Variants in WDR70 observed in about 807,000 individuals in gnomAD.
WDR70 encodes WD repeat domain 70, also known as WD repeat-containing protein 70.
WDR70 carries 53 observed loss-of-function variants against 88.6 expected under a neutral mutation model. That is an observed-to-expected ratio of 0.60 (90% confidence interval 0.48 to 0.75). The LOEUF (loss-of-function observed/expected upper bound fraction) is 0.75. Ranked by LOEUF, WDR70 falls within the 30% of genes least tolerant of loss-of-function variation. The probability of loss-of-function intolerance (pLI) is 0.00; values close to 1 mark genes in which losing one functional copy is unlikely to be tolerated. For synonymous variants in WDR70, 280 were observed against 270.0 expected (o/e 1.04, Z -0.36); for missense variants, 610 against 823.2 (o/e 0.74, Z 3.17).
rs777764188 is a variant in WDR70 at position 37,702,994 on chromosome 5, T to C, written c.1323T>C (p.Gly441=). 6 of 1,613,762 alleles carry C rather than the reference T, an allele frequency of 3.7e-6. No individual in the cohort carries two copies. Among genetic ancestry groups the C allele is most frequent in the Non-Finnish European group, 4.2e-6 (5 of 1,179,776 alleles). Residue 441 remains glycine, a synonymous_variant, in exon 13 of 18, where the codon GGT becomes GGC. Coordinates refer to ENST00000265107, the MANE Select transcript of WDR70 (RefSeq NM_018034.4). ...FSPDDKLIVT[G]TSIQRGCGSG... The stretch of plus-strand genomic sequence containing the variant: ...CAGATGATAAGCTCATAGTCACTGG[T>C]ACATCTATTCAAAGAGGATGTGGCA...
At chr5:37,582,771 G>A (rs140860648) in intron 9 of WDR70, among the ~76,000 whole-genome samples, 1 of 152,328 alleles carries the variant, frequency 6.6e-6, no homozygotes, top group Non-Finnish European at 1.5e-5. Context: ...TGTAAGCAAC[G>A]AGCATCTCTG....
chr5:37,663,243 G>A (rs1163949872), intron 10 of WDR70, among the ~76,000 whole-genome samples: 1 of 152,096 alleles, frequency 6.6e-6, no homozygotes, highest in Admixed American at 6.6e-5. Flanking sequence ...TACTGACTGC[G>A]GTTTTGACTT....
At chr5:37,634,928 A>T (rs1205606401) in intron 10 of WDR70, among the ~76,000 whole-genome samples, 2 of 152,192 alleles carry the variant, frequency 1.3e-5, no homozygotes, top group African/African-American at 4.8e-5. Flanking sequence ...TTAAAAGTCA[A>T]TGAGTTAATT....
chr5:37,464,299 T>C (rs1441112928), intron 7 of WDR70, among the ~76,000 whole-genome samples: 1 of 152,200 alleles, frequency 6.6e-6, no homozygotes, highest in Non-Finnish European at 1.5e-5. Flanking sequence ...CGCTCTGAAC[T>C]TTCTGATTAT....
intron 9 of WDR70, among the ~76,000 whole-genome samples, chr5:37,579,744 A>G (rs1743166172): frequency 6.6e-6 from 1 of 152,212 alleles, no homozygotes; most frequent in African/African-American, 2.4e-5. Context: ...TCTTTCTTAC[A>G]GTTTTCAGTA....
chr5:37,645,319 T>TTTCTAG (rs1359841291), intron 10 of WDR70, among the ~76,000 whole-genome samples: 2 of 152,094 alleles, frequency 1.3e-5, no homozygotes, highest in African/African-American at 4.8e-5. Context: ...TTGTTGTTGA[T>TTTCTAG]TTCTAGGTTT....
chr5:37,477,581 A>G (rs1325559432), intron 7 of WDR70, among the ~76,000 whole-genome samples: 1 of 152,152 alleles, frequency 6.6e-6, no homozygotes, highest in Non-Finnish European at 1.5e-5. Context: ...CACCATGACT[A>G]TTTCATTTAC....
In WDR70 at chr5:37,500,716, C is replaced by CTTTTTTTTTT. The variant is rs550821207; in HGVS notation, c.841-15781_841-15772dup. ...GAGCATTTTATCATATATTTGTTGG[C>CTTTTTTTTTT]TTTTTTTTTTTTTTTTTTTTTTTTT... is the stretch of plus-strand genomic sequence containing the variant. On this transcript the variant is annotated intron_variant, in intron 8 of 17. Coordinates refer to ENST00000265107, the MANE Select transcript of WDR70 (RefSeq NM_018034.4). Among the ~76,000 whole-genome samples, 20 of 63,290 alleles carry CTTTTTTTTTT rather than the reference C, an allele frequency of 3.2e-4. 6 individuals carry two copies. The highest frequency in any genetic ancestry group is 5.3e-4 in the Non-Finnish European group (17 of 32,346). The allele number at this position is 63,290 out of a possible 152,430, so 41.5% of individuals were successfully genotyped here.
intron 9 of WDR70, among the ~76,000 whole-genome samples, chr5:37,549,354 C>T (rs986921528): frequency 1.3e-4 from 20 of 152,018 alleles, no homozygotes; most frequent in African/African-American, 3.1e-4. Context: ...TCTTTTACTT[C>T]TTTGGTTAAA....
chr5:37,665,762 T>C (rs1745821444), intron 10 of WDR70, among the ~76,000 whole-genome samples: 1 of 152,240 alleles, frequency 6.6e-6, no homozygotes, highest in Non-Finnish European at 1.5e-5. Context: ...GAAATCTCCC[T>C]GTTCTCTGGA....
At chr5:37,668,515 T>C (rs566017966) in intron 10 of WDR70, among the ~76,000 whole-genome samples, 2 of 152,334 alleles carry the variant, frequency 1.3e-5, no homozygotes, top group South Asian at 4.1e-4. Context: ...TACCAACTGG[T>C]CTCAACTAGG....
chr5:37,610,730 A>G (rs1022130388), intron 10 of WDR70, among the ~76,000 whole-genome samples: 2 of 152,330 alleles, frequency 1.3e-5, no homozygotes, highest in East Asian at 3.9e-4. Context: ...GCTACTTTGT[A>G]TAATGCCCAT....
chr5:37,743,640 C>T (rs909059543), intron 17 of WDR70, among the ~76,000 whole-genome samples: 12 of 152,314 alleles, frequency 7.9e-5, no homozygotes, highest in African/African-American at 2.2e-4. Flanking sequence ...CCCAACACAC[C>T]GGCTGTGGCA....
At chr5:37,727,671 G>A (rs908780074) in intron 17 of WDR70, among the ~76,000 whole-genome samples, 2 of 152,034 alleles carry the variant, frequency 1.3e-5, no homozygotes, top group Non-Finnish European at 2.9e-5. Context: ...AAACTCCTGG[G>A]CTCAAAGGAT....
intron 5 of WDR70, among the ~76,000 whole-genome samples, chr5:37,407,534 A>T (rs1454754641): frequency 6.6e-6 from 1 of 152,058 alleles, no homozygotes; most frequent in Admixed American, 6.6e-5. Flanking sequence ...AAAAAAATAG[A>T]AATAAGTCAG....
At chr5:37,594,871 G>C (rs1471117566) in intron 9 of WDR70, among the ~76,000 whole-genome samples, 3 of 152,084 alleles carry the variant, frequency 2.0e-5, no homozygotes, top group South Asian at 2.1e-4. Context: ...TTGTAAGTTG[G>C]ATTCCTAGGT....
At chr5:37,470,266 G>A (rs1240715438) in intron 7 of WDR70, among the ~76,000 whole-genome samples, 8 of 152,070 alleles carry the variant, frequency 5.3e-5, no homozygotes, top group Non-Finnish European at 1.0e-4. Flanking sequence ...GTAAAGTGTG[G>A]TAGTGTACCC....
At chr5:37,476,731 T>C (rs1739497626) in intron 7 of WDR70, among the ~76,000 whole-genome samples, 1 of 152,154 alleles carries the variant, frequency 6.6e-6, no homozygotes, top group Non-Finnish European at 1.5e-5. Context: ...TTTGTATTTT[T>C]AGTAGAGACG....
chr5:37,637,318 C>G (rs556041260), intron 10 of WDR70, among the ~76,000 whole-genome samples: 2 of 149,056 alleles, frequency 1.3e-5, no homozygotes, highest in South Asian at 2.1e-4. Flanking sequence ...GAGCGAGACT[C>G]TGTCTCAAAA....
Sources: allele counts gnomAD v4.1 joint callset (sites outside exome capture counted in the v4.1 genomes callset), GRCh38; gene constraint gnomAD v4.1.1; transcripts MANE v1.5; gene names NCBI Gene and HGNC (gene_info 2026-07-23, HGNC 2026-07-21).